Variants in COL12A1 observed in about 807,000 individuals in gnomAD.
COL12A1 encodes collagen type XII alpha 1 chain.
In COL12A1, 114 loss-of-function variants were observed where a neutral mutation model predicts 349.7. The observed-to-expected ratio is 0.33, with a 90% CI of 0.28 to 0.38. The LOEUF (loss-of-function observed/expected upper bound fraction) is 0.38, where lower values mean the gene tolerates loss of function less well. COL12A1 is among the 10% of genes least tolerant of loss of function. The pLI, the probability that COL12A1 is intolerant of heterozygous loss-of-function variation, is 1.00. For missense variants in COL12A1, 3,284 were observed against 3,756.9 expected (o/e 0.87, Z 3.29); for synonymous variants, 1,369 against 1,329.0 (o/e 1.03, Z -0.66).
intron 31 of COL12A1, among the ~76,000 whole-genome samples, chr6:75,137,017 A>C (rs1766643684): frequency 6.6e-6 from 1 of 152,178 alleles, no homozygotes. Context: ...TGCAAAAAAC[A>C]GGGGGAAATG....
chr6:75,157,705 G>C (rs752453351), intron 14 of COL12A1, among the ~76,000 whole-genome samples: 3 of 152,140 alleles, frequency 2.0e-5, no homozygotes, highest in African/African-American at 7.2e-5. Context: ...CTGTGAATGA[G>C]AGAGTGCCAC....
In COL12A1 at chr6:75,137,546, T is replaced by C. The variant is rs1766683806; in HGVS notation, c.5285A>G (p.Tyr1762Cys). The change falls in exon 31 of 66, where the codon TAC becomes TGC. Residue 1762 changes from tyrosine (Y) to cysteine (C), a missense_variant. This residue lies in a region of COL12A1 where 2,601 missense variants were observed against 2,824.8 expected (regional missense o/e 0.92). Transcript: ENST00000322507. ...PKSGPRNLQV[Y>C]NATSNSLTVK... ...AGTCAGGCTGTTAGATGTTGCATTG[T>C]ACACTTGAAGGTTTCGTGGGCCACT... 6.2e-7 allele frequency: 1 copy of C among 1,613,898 alleles called. No homozygotes were observed. The highest frequency in any genetic ancestry group is 8.5e-7 in the Non-Finnish European group (1 of 1,179,878).
intron 62 of COL12A1, 43 bp downstream of exon 62, chr6:75,091,280 A>G (rs757269039): frequency 1.3e-6 from 2 of 1,529,026 alleles, no homozygotes; most frequent in Non-Finnish European, 1.8e-6. Flanking sequence ...TCCTGCAATT[A>G]ATTTTAAAAC....
At chr6:75,162,201 T>G (rs1177473187) in intron 14 of COL12A1, among the ~76,000 whole-genome samples, 1 of 152,154 alleles carries the variant, frequency 6.6e-6, no homozygotes, top group Non-Finnish European at 1.5e-5. Flanking sequence ...AAGACAATCC[T>G]ACCCACAAAG....
chr6:75,119,242 G>T, intron 45 of COL12A1, 56 bp from the exon 46 acceptor site: 2 of 1,612,456 alleles, frequency 1.2e-6, no homozygotes, highest in South Asian at 1.1e-5. Context: ...CTACCCAAAT[G>T]CCATTAGTCA....
chr6:75,140,595 T>C (rs1333128007), intron 27 of COL12A1, among the ~76,000 whole-genome samples: 1 of 144,554 alleles, frequency 6.9e-6, no homozygotes, highest in Non-Finnish European at 1.5e-5. Context: ...GGCGGAGCTT[T>C]CAGTGAGCCG....
chr6:75,164,198 G>C (rs912082455), intron 14 of COL12A1, among the ~76,000 whole-genome samples: 2 of 152,122 alleles, frequency 1.3e-5, no homozygotes, highest in Non-Finnish European at 2.9e-5. Flanking sequence ...TTCCTATAAA[G>C]AAGTTGATTT....
chr6:75,177,844 T>C lies in COL12A1; in HGVS notation c.2256A>G (p.Arg752=), dbSNP rs370677855. The C allele has an allele frequency of 1.2e-6, 2 of 1,614,024 alleles. No individual in the cohort carries two copies. Among genetic ancestry groups the C allele is most frequent in the Non-Finnish European group, 1.7e-6 (2 of 1,180,036 alleles). Reference sequence around the variant, plus strand: ...CAACTGGTCTATATATAATTCGATATCTTAAAACTCTCCCTGGAGCTTGAG... The same window carrying C: ...CAACTGGTCTATATATAATTCGATACCTTAAAACTCTCCCTGGAGCTTGAG... ...TWTQAPGRVL[R]YRIIYRPVAG... is the part of the protein sequence containing the mutation. Residue 752 remains arginine (R), a synonymous_variant, in exon 12 of 66, where the codon AGA becomes AGG. Coordinates refer to ENST00000322507, the MANE Select transcript of COL12A1 (RefSeq NM_004370.6).
At position 75,181,128 on chromosome 6, in the gene COL12A1, C is replaced by T. The variant is rs754061331; in HGVS notation, c.1975G>A (p.Val659Ile). Residue 659 changes from valine to isoleucine, a missense_variant, in exon 11 of 66, where the codon GTT becomes ATT. Transcript: ENST00000322507. Reference sequence around the variant, plus strand: ...TTGTAGGTGATGTGATATGAAAAAACATTTTCTCCAGCTGGAGACCAGTTG... The same window carrying T: ...TTGTAGGTGATGTGATATGAAAAAATATTTTCTCCAGCTGGAGACCAGTTG... Reference protein sequence around the residue: ...KTNWSPAGENVFSYHITYKEA... With the variant: ...KTNWSPAGENIFSYHITYKEA... 2 of 1,613,322 alleles carry T rather than the reference C, an allele frequency of 1.2e-6. No individual in the cohort carries two copies. The highest frequency in any genetic ancestry group is 8.5e-7 in the Non-Finnish European group (1 of 1,179,920).
At chr6:75,127,968 C>T (rs1766102636) in intron 38 of COL12A1, among the ~76,000 whole-genome samples, 1 of 152,134 alleles carries the variant, frequency 6.6e-6, no homozygotes, top group African/African-American at 2.4e-5. Flanking sequence ...ACAATTTAGT[C>T]TTAACTGACA....
At chr6:75,113,521 T>C (rs1768935934) in intron 50 of COL12A1, 81 bp downstream of exon 50, 5 of 1,348,264 alleles carry the variant, frequency 3.7e-6, no homozygotes, top group Middle Eastern at 3.8e-4. Context: ...ATATAGTCTA[T>C]ATTCAGAAAG....
chr6:75,198,083 C>T (rs896800326), intron 2 of COL12A1, among the ~76,000 whole-genome samples: 9 of 152,184 alleles, frequency 5.9e-5, no homozygotes, highest in Non-Finnish European at 1.2e-4. Context: ...TAGGCAACAA[C>T]ACTTGGATTA....
chr6:75,183,002 A>G, intron 10 of COL12A1, 48 bp downstream of exon 10: 1 of 1,530,074 alleles, frequency 6.5e-7, no homozygotes, highest in Non-Finnish European at 8.7e-7. Flanking sequence ...TAGAACCAAA[A>G]ATTCTTTGTT....
At position 75,175,275 on chromosome 6, in the gene COL12A1, G is replaced by C. The variant is rs770324764; in HGVS notation, c.2473C>G (p.Pro825Ala). 2.1e-5 allele frequency: 34 copies of C among 1,613,880 alleles called. No individual in the cohort carries two copies. The East Asian group carries it at 5.8e-4, about 27-fold the overall frequency. ...GNPRDLRVSD[P>A]TTSTMKLSWS... ...GATAATTTCATAGTAGACGTCGTAG[G>C]GTCAGAAACTCTTAAGTCTCTTGGA... Residue 825 changes from proline to alanine, a missense_variant, in exon 13 of 66, where the codon CCT becomes GCT. Physicochemically the swap from Pro to Ala is conservative, Grantham distance 27. Transcript: ENST00000322507.
intron 1 of COL12A1, 126 bp downstream of exon 1, chr6:75,205,651 A>T (rs1163944104): frequency 6.6e-6 from 1 of 152,548 alleles, no homozygotes; most frequent in South Asian, 2.1e-4. Flanking sequence ...CTACACTATT[A>T]CAAGTCCAAA....
At chr6:75,195,295 A>T (rs1770161721) in intron 2 of COL12A1, among the ~76,000 whole-genome samples, 1 of 152,188 alleles carries the variant, frequency 6.6e-6, no homozygotes, top group South Asian at 2.1e-4. Context: ...CAATTCACAT[A>T]ACAATTAAAG....
At chr6:75,193,738 C>T (rs2149481230) in intron 3 of COL12A1, among the ~76,000 whole-genome samples, 1 of 151,714 alleles carries the variant, frequency 6.6e-6, no homozygotes, top group East Asian at 1.9e-4. Context: ...CCCCACACCC[C>T]ATGACAGGCC....
rs2149456834 is a variant in COL12A1 at position 75,177,798 on chromosome 6, C to T, written c.2302G>A (p.Val768Ile). ...CTCCTCTGATTGGGTGGGGTGGTAA[C>T]TTCTCTGCTCTCTCCACCAGCAACT... is the stretch of plus-strand genomic sequence containing the variant. ...RPVAGGESRE[V>I]TTPPNQRRRT... Residue 768 changes from valine (V) to isoleucine (I), a missense_variant, in exon 12 of 66, where the codon GTT (valine) becomes ATT (isoleucine). By Grantham distance (29) the Val-to-Ile change is conservative (BLOSUM62 3). Transcript: ENST00000322507. 9 of 1,614,082 alleles carry T rather than the reference C, an allele frequency of 5.6e-6. No individual in the cohort carries two copies. Among genetic ancestry groups the T allele is most frequent in the Non-Finnish European group, 7.6e-6 (9 of 1,180,024 alleles).
chr6:75,162,470 A>G (rs1768075318), intron 14 of COL12A1, among the ~76,000 whole-genome samples: 1 of 152,254 alleles, frequency 6.6e-6, no homozygotes, highest in Admixed American at 6.5e-5. Context: ...CAGAAAGCTG[A>G]AACTGGATCC....
Sources: allele counts gnomAD v4.1 joint callset (sites outside exome capture counted in the v4.1 genomes callset), GRCh38; gene constraint gnomAD v4.1.1; regional missense constraint gnomAD v4.1.1; transcripts MANE v1.5; gene names NCBI Gene and HGNC (gene_info 2026-07-23, HGNC 2026-07-21).